Variants in PROSER1 observed in about 807,000 individuals in gnomAD.
PROSER1 encodes the protein proline and serine-rich protein 1.
In PROSER1, 36 loss-of-function variants were observed where a neutral mutation model predicts 71.8. The ratio of observed to expected loss-of-function variants is 0.50; its 90% CI spans 0.38 to 0.66. The LOEUF (loss-of-function observed/expected upper bound fraction) is 0.66, where lower values mean the gene tolerates loss of function less well. Among genes scored for constraint, PROSER1 ranks in the 30% least tolerant of loss-of-function variants. PROSER1 has a pLI of 0.00. For synonymous variants in PROSER1, 490 were observed against 452.4 expected, an observed-to-expected ratio of 1.08 and a Z score of -1.06; for missense variants, 1,107 against 1,135.0, an observed-to-expected ratio of 0.98 and a Z score of 0.35.
chr13:39,032,731 A>G (rs565791181), intron 2 of PROSER1, among the ~76,000 whole-genome samples: 1 of 152,242 alleles, frequency 6.6e-6, no homozygotes, highest in African/African-American at 2.4e-5. Context: ...CAACCATAAA[A>G]TTTTACAAGC....
intron 2 of PROSER1, among the ~76,000 whole-genome samples, chr13:39,032,686 A>ATGTTCATAATAG (rs1402114828): frequency 2.0e-5 from 3 of 152,158 alleles, no homozygotes; most frequent in African/African-American, 7.2e-5. Flanking sequence ...GATGGGAATA[A>ATGTTCATAATAG]TGTTCTTAAT....
At chr13:39,025,742 T>C (rs1313475863) in intron 6 of PROSER1, among the ~76,000 whole-genome samples, 1 of 152,130 alleles carries the variant, frequency 6.6e-6, no homozygotes, top group Admixed American at 6.6e-5. Flanking sequence ...TCCTGACCCA[T>C]AAAAGCCATG....
chr13:39,030,839 C>T (rs1176243515), intron 3 of PROSER1, among the ~76,000 whole-genome samples: 1 of 151,930 alleles, frequency 6.6e-6, no homozygotes, highest in Non-Finnish European at 1.5e-5. Flanking sequence ...AGAACAGGTG[C>T]GATAACTCTT....
intron 8 of PROSER1, chr13:39,022,807 A>G: frequency 2.4e-6 from 1 of 420,742 alleles, no homozygotes; most frequent in Non-Finnish European, 4.2e-6. Flanking sequence ...CAAAGTGAAA[A>G]CCCATAAATA....
intron 9 of PROSER1, among the ~76,000 whole-genome samples, chr13:39,021,386 C>G (rs1870283793): frequency 6.6e-6 from 1 of 151,984 alleles, no homozygotes; most frequent in South Asian, 2.1e-4. Context: ...AGAAAGTCCC[C>G]CAGCTCTCTT....
At chr13:39,018,258 G>A (rs903587069) in intron 9 of PROSER1, among the ~76,000 whole-genome samples, 2 of 152,044 alleles carry the variant, frequency 1.3e-5, no homozygotes, top group African/African-American at 4.8e-5. Context: ...AGGATACAAA[G>A]GGAGAAAAAT....
At chr13:39,032,870 G>GA (rs935209947) in intron 2 of PROSER1, among the ~76,000 whole-genome samples, 11 of 149,158 alleles carry the variant, frequency 7.4e-5, no homozygotes, top group African/African-American at 2.2e-4. Flanking sequence ...ATACACCCAA[G>GA]AAAAAAAATG....
At chr13:39,022,530 C>G in intron 8 of PROSER1, 118 bp from the exon 9 acceptor site, 1 of 671,232 alleles carries the variant, frequency 1.5e-6, no homozygotes, top group South Asian at 1.9e-5. Context: ...TATAAAAACT[C>G]CTATTTAATA....
chr13:39,015,856 GT>G (rs140521287), intron 10 of PROSER1, among the ~76,000 whole-genome samples: 4,007 of 152,222 alleles, frequency 0.026, 178 homozygotes, highest in African/African-American at 0.093. Flanking sequence ...GGATTTGTAC[GT>G]TTTTTGTACT....
At chr13:39,017,849 A>G (rs1870080457) in intron 9 of PROSER1, 2 of 251,164 alleles carry the variant, frequency 8.0e-6, no homozygotes, top group South Asian at 5.5e-5. Context: ...AATTTTACAT[A>G]TATACTATAT....
intron 5 of PROSER1, among the ~76,000 whole-genome samples, chr13:39,027,256 C>T (rs910667960): frequency 2.0e-5 from 3 of 151,992 alleles, no homozygotes; most frequent in Non-Finnish European, 2.9e-5. Flanking sequence ...TAAAGAGTAC[C>T]GGGGTGAATG....
intron 6 of PROSER1, 96 bp downstream of exon 6, chr13:39,026,181 G>A (rs977639458): frequency 1.6e-5 from 12 of 730,278 alleles, no homozygotes; most frequent in Admixed American, 5.2e-5. Context: ...TTAAGTTACC[G>A]ACATAAAATT....
rs903527169 is a variant in PROSER1 at position 39,024,662 on chromosome 13, A to G, written c.481-106T>C. On this transcript the variant is annotated intron_variant, in intron 6 of 12. Transcript: ENST00000352251. ...TTACACTGAAGAAAAGGACTTGGTA[A>G]GAGTGTAAAGACTTGCATTCCCATT... The G allele has an allele frequency of 3.8e-6, 3 of 780,924 alleles. No individual in the cohort carries two copies. The African/African-American group carries it at 5.3e-5, about 14-fold the overall frequency. 48.4% of individuals were successfully genotyped at this position (780,924 alleles called of 1,614,324 possible).
intron 1 of PROSER1, 146 bp downstream of exon 1, chr13:39,037,052 T>C (rs749245910): frequency 9.3e-6 from 6 of 645,796 alleles, no homozygotes; most frequent in Non-Finnish European, 1.7e-5. Context: ...TATCAAGATA[T>C]AAACTCCTCC....
At chr13:39,017,455 A>C in intron 10 of PROSER1, 45 bp downstream of exon 10, 4 of 1,203,182 alleles carry the variant, frequency 3.3e-6, no homozygotes, top group Non-Finnish European at 4.8e-6. Flanking sequence ...AACAGAGCAA[A>C]CCATGACAGA....
Position 39,014,360 on chromosome 13 carries a change from A to C in PROSER1, c.892T>G (p.Ser298Ala), listed in dbSNP as rs1443994511. ...ATTCCAGAAACGGTGGCAGCTGCTG[A>C]TGCTGATGGATGATTAATTGCCTTG... ...PVKAINHPSA[S>A]AAATVSGMNL... Residue 298 changes from serine (S) to alanine (A), a missense_variant, in exon 11 of 13, where the codon TCA (serine) becomes GCA (alanine). Transcript: ENST00000352251. The C allele has an allele frequency of 1.2e-6, 2 of 1,613,926 alleles. No individual in the cohort carries two copies. The highest frequency in any genetic ancestry group is 2.7e-5 in the African/African-American group (2 of 74,872).
At position 39,014,107 on chromosome 13, in the gene PROSER1, G is replaced by C. The variant is rs779585034; in HGVS notation, c.1145C>G (p.Pro382Arg). ...SATPTAATPTPGPTPRSTLGS... is the reference protein window; with the variant it reads ...SATPTAATPTRGPTPRSTLGS... ...AAGAGTGGACCGTGGTGTAGGTCCT[G>C]GGGTAGGAGTGGCTGCGGTAGGAGT... Residue 382 changes from proline to arginine, a missense_variant, in exon 11 of 13, where the codon CCA becomes CGA. Pro to Arg is a moderately radical substitution (Grantham distance 103). Transcript: ENST00000352251. The C allele has an allele frequency of 4.3e-6, 7 of 1,614,186 alleles. No individual in the cohort carries two copies. The highest frequency in any genetic ancestry group is 5.9e-6 in the Non-Finnish European group (7 of 1,180,034).
Position 39,011,105 on chromosome 13 carries a change from A to C in PROSER1, c.*260T>G, listed in dbSNP as rs572095661. The C allele has an allele frequency of 5.2e-6, 2 of 381,742 alleles. No homozygotes were observed. Among genetic ancestry groups the C allele is most frequent in the South Asian group, 6.2e-5 (2 of 32,358 alleles). 23.6% of individuals were successfully genotyped at this position (381,742 alleles called of 1,614,324 possible). On this transcript the variant is annotated 3_prime_UTR_variant, in exon 13 of 13. Transcript: ENST00000352251. ...TATGTAGATCACATACACAATTCAA[A>C]ATTTTATAGGACAGGTGAAAAGTCT... is the stretch of plus-strand genomic sequence containing the variant.
At chr13:39,016,130 T>C (rs933110490) in intron 10 of PROSER1, among the ~76,000 whole-genome samples, 1 of 152,214 alleles carries the variant, frequency 6.6e-6, no homozygotes, top group African/African-American at 2.4e-5. Flanking sequence ...TTATTAATCA[T>C]AGCACTTGCA....
Sources: gnomAD v4.1 joint callset for allele counts (sites outside exome capture counted in the v4.1 genomes callset) on GRCh38, gnomAD v4.1.1 for gene constraint, MANE v1.5 for transcripts, NCBI Gene and HGNC (gene_info 2026-07-23, HGNC 2026-07-21) for gene names.